SWT1: variants seen among roughly 807,000 people sequenced by gnomAD.
The protein encoded by SWT1 is SWT1 RNA endoribonuclease homolog.
Under a neutral mutation model 107.3 loss-of-function variants are expected in SWT1, and 33 were observed. The observed-to-expected ratio is 0.31, with a 90% confidence interval of 0.23 to 0.41. The LOEUF (loss-of-function observed/expected upper bound fraction) is 0.41, where lower values mean the gene tolerates loss of function less well. Among genes scored for constraint, SWT1 ranks in the 10% least tolerant of loss-of-function variants. The pLI, the probability that SWT1 is intolerant of heterozygous loss-of-function variation, is 1.00. For missense variants in SWT1, 898 were observed against 1,028.9 expected (o/e 0.87, Z 1.74); for synonymous variants, 345 against 348.3 (o/e 0.99, Z 0.11).
At chr1:185,191,502 A>G (rs1315312500) in intron 10 of SWT1, among the ~76,000 whole-genome samples, 1 of 152,144 alleles carries the variant, frequency 6.6e-6, no homozygotes, top group Admixed American at 6.6e-5. Flanking sequence ...TTTCTGTGAA[A>G]TGGAGCTACT....
intron 15 of SWT1, among the ~76,000 whole-genome samples, chr1:185,223,510 CT>C (rs1329581658): frequency 2.0e-5 from 3 of 152,080 alleles, no homozygotes; most frequent in Non-Finnish European, 4.4e-5. Context: ...ATAATAGCCA[CT>C]CTAACTGGAG....
chr1:185,227,210 C>G, intron 15 of SWT1: 2 of 834,944 alleles, frequency 2.4e-6, no homozygotes, highest in Non-Finnish European at 2.1e-6. Flanking sequence ...CAGCTCCCTT[C>G]AGGGTGCTAA....
rs1655417982 is a variant in SWT1, at chr1:185,175,027, A to G, written c.880A>G (p.Lys294Glu). The change falls in exon 5 of 19, where the codon AAG becomes GAG. Residue 294 changes from lysine (K) to glutamate (E), a missense_variant. Around this residue, in one of 6 missense-constraint regions of SWT1, gnomAD observed 382 missense variants for 362.4 expected, o/e 1.05. Coordinates refer to ENST00000367500, the MANE Select transcript of SWT1 (RefSeq NM_017673.7). ...ACATTTACTTTCAGATTTTACATATAAGCGGACTGTTCATGAGTGGAAACG... is the reference window on the plus strand; with the variant it reads ...ACATTTACTTTCAGATTTTACATATGAGCGGACTGTTCATGAGTGGAAACG... ...TEHLLSDFTY[K>E]RTVHEWKRKH... is the part of the protein sequence containing the mutation. The G allele has an allele frequency of 1.2e-6, 2 of 1,613,206 alleles. No individual in the cohort carries two copies. The highest frequency in any genetic ancestry group is 2.7e-5 in the African/African-American group (2 of 74,862).
chr1:185,271,265 G>T (rs1663836801), intron 16 of SWT1, 58 bp from the exon 17 acceptor site: 4 of 872,168 alleles, frequency 4.6e-6, no homozygotes, highest in African/African-American at 1.7e-5. Flanking sequence ...AAAGTTCAAG[G>T]TATTGGTTTT....
intron 13 of SWT1, among the ~76,000 whole-genome samples, chr1:185,209,619 T>C (rs978442028): frequency 2.0e-5 from 3 of 152,240 alleles, no homozygotes; most frequent in Non-Finnish European, 4.4e-5. Flanking sequence ...TTATCCACTC[T>C]ATCATTGAAG....
At chr1:185,290,297 C>CA (rs1665175633) in intron 18 of SWT1, among the ~76,000 whole-genome samples, 1 of 151,860 alleles carries the variant, frequency 6.6e-6, no homozygotes, top group Non-Finnish European at 1.5e-5. Flanking sequence ...ATAACTAAGG[C>CA]TGGGCGTGGT....
At chr1:185,213,621 T>C (rs1046078401) in intron 13 of SWT1, among the ~76,000 whole-genome samples, 3 of 152,154 alleles carry the variant, frequency 2.0e-5, no homozygotes, top group African/African-American at 7.2e-5. Flanking sequence ...CAGAATACAA[T>C]AGAGTCTCTG....
At chr1:185,272,312 G>A (rs1412298407) in intron 17 of SWT1, among the ~76,000 whole-genome samples, 1 of 152,166 alleles carries the variant, frequency 6.6e-6, no homozygotes, top group Non-Finnish European at 1.5e-5. Flanking sequence ...TGTGCTTAAT[G>A]CTCTTTGTTT....
At chr1:185,290,597 G>A (rs1665199893) in intron 18 of SWT1, 77 bp from the exon 19 acceptor site, 2 of 1,066,736 alleles carry the variant, frequency 1.9e-6, no homozygotes, top group Non-Finnish European at 1.3e-6. Context: ...CAATTAAAAT[G>A]TAAAATAAAA....
chr1:185,213,155 T>A (rs1266491786), intron 13 of SWT1, among the ~76,000 whole-genome samples: 1 of 152,200 alleles, frequency 6.6e-6, no homozygotes, highest in Non-Finnish European at 1.5e-5. Flanking sequence ...AAGACAGAAA[T>A]AAAATGATTA....
At chr1:185,159,086 G>T (rs766380940) in intron 1 of SWT1, among the ~76,000 whole-genome samples, 19 of 152,204 alleles carry the variant, frequency 1.2e-4, no homozygotes, top group Non-Finnish European at 2.2e-4. Flanking sequence ...TTTCCCTAGA[G>T]TGAGCAGTCC....
intron 16 of SWT1, among the ~76,000 whole-genome samples, chr1:185,259,131 A>T (rs12130773): frequency 6.6e-6 from 1 of 152,146 alleles, no homozygotes; most frequent in Non-Finnish European, 1.5e-5. Context: ...ATAAAAGGTG[A>T]AAGTTTTTCT....
intron 1 of SWT1, among the ~76,000 whole-genome samples, chr1:185,159,359 G>A (rs111503056): frequency 0.01 from 1,581 of 152,194 alleles, 41 homozygotes; most frequent in African/African-American, 0.036. Context: ...ACATTTGTCC[G>A]AATAAACATA....
chr1:185,177,563 C>A (rs554984071), intron 5 of SWT1, among the ~76,000 whole-genome samples: 1 of 152,050 alleles, frequency 6.6e-6, no homozygotes, highest in African/African-American at 2.4e-5. Context: ...TGTATATTAT[C>A]TTCAGCATAT....
intron 5 of SWT1, among the ~76,000 whole-genome samples, chr1:185,176,155 G>A (rs1655531472): frequency 6.6e-6 from 1 of 151,908 alleles, no homozygotes; most frequent in South Asian, 2.1e-4. Context: ...GGGTGTGGTG[G>A]CGTGAGTCTG....
chr1:185,160,999 T>C, intron 2 of SWT1, 74 bp downstream of exon 2: 1 of 1,034,980 alleles, frequency 9.7e-7, no homozygotes, highest in South Asian at 1.4e-5. Flanking sequence ...TACACCTTAC[T>C]ATTATAATGA....
chr1:185,198,616 G>A (rs893975435), intron 10 of SWT1, among the ~76,000 whole-genome samples: 1 of 152,110 alleles, frequency 6.6e-6, no homozygotes, highest in Non-Finnish European at 1.5e-5. Context: ...TGCTGCTCCT[G>A]TATTGGGTGC....
At chr1:185,170,766 T>G (rs1654981236) in intron 4 of SWT1, among the ~76,000 whole-genome samples, 1 of 152,208 alleles carries the variant, frequency 6.6e-6, no homozygotes, top group Non-Finnish European at 1.5e-5. Flanking sequence ...TATGCAGCAG[T>G]GCTGAAGGAG....
At chr1:185,264,953 A>G (rs796368754) in intron 16 of SWT1, among the ~76,000 whole-genome samples, 42 of 152,320 alleles carry the variant, frequency 2.8e-4, no homozygotes, top group African/African-American at 9.1e-4. Flanking sequence ...TTTAACAATC[A>G]AAATGATATT....
Sources: allele counts gnomAD v4.1 joint callset (sites outside exome capture counted in the v4.1 genomes callset), GRCh38; gene constraint gnomAD v4.1.1; regional missense constraint gnomAD v4.1.1; transcripts MANE v1.5; gene names NCBI Gene and HGNC (gene_info 2026-07-23, HGNC 2026-07-21).